The following ZNF724 variants were observed in gnomAD, a reference collection of about 807,000 sequenced individuals.
The protein encoded by ZNF724 is zinc finger protein 724.
A neutral mutation model predicts 29.3 loss-of-function variants in ZNF724; 14 were observed. The ratio of observed to expected loss-of-function variants is 0.48; its 90% confidence interval spans 0.32 to 0.75. ZNF724 has a LOEUF of 0.75. Among genes scored for constraint, ZNF724 ranks in the 30% least tolerant of loss-of-function variants. The pLI, the probability that ZNF724 is intolerant of heterozygous loss-of-function variation, is 0.04. For missense variants in ZNF724, 557 were observed against 571.2 expected (o/e 0.98, Z 0.25); for synonymous variants, 180 against 193.6 (o/e 0.93, Z 0.58).
At position 23,223,315 on chromosome 19, in the gene ZNF724, G is replaced by A; in HGVS notation, c.930C>T (p.Tyr310=). The part of the protein sequence containing the change: ...HKIIHAGEKP[Y]ICEHCGRAFN... ...AAGCTCTGCCACAATGTTCACATAT[G>A]TAGGGCTTCTCTCCAGCATGAATTA... is the stretch of plus-strand genomic sequence containing the variant. Residue 310 remains tyrosine, a synonymous_variant, in exon 4 of 4, where the codon TAC becomes TAT. Transcript: ENST00000418100. 1 of 771,428 alleles carries A rather than the reference G, an allele frequency of 1.3e-6. No homozygotes were observed. Among genetic ancestry groups the A allele is most frequent in the South Asian group, 1.4e-5 (1 of 73,330 alleles). The allele number at this position is 771,428 out of a possible 1,614,324, so 47.8% of individuals were successfully genotyped here. A position where few individuals can be genotyped will look rare whatever the true frequency, so the allele number is the denominator to read the frequency against.
At chr19:23,229,905 G>C (rs1971905671) in intron 3 of ZNF724, among the ~76,000 whole-genome samples, 2 of 152,034 alleles carry the variant, frequency 1.3e-5, no homozygotes, top group Admixed American at 1.3e-4. Flanking sequence ...AGAATAATTA[G>C]AACAACTTTT....
At chr19:23,228,251 A>G (rs1971873413) in intron 3 of ZNF724, among the ~76,000 whole-genome samples, 2 of 151,944 alleles carry the variant, frequency 1.3e-5, no homozygotes, top group Admixed American at 1.3e-4. Flanking sequence ...GGAGTTCGAG[A>G]CCAGCCTGGC....
chr19:23,222,342 G>A lies in ZNF724; in HGVS notation c.*43C>T. On this transcript the variant is annotated 3_prime_UTR_variant, in exon 4 of 4. Transcript: ENST00000418100. ...TCCACCCGCCTTGGCCTCCCAAAGT[G>A]CTGGGATTACAGGTGTGAGCCACCA... 1 of 799,976 alleles carries A rather than the reference G, an allele frequency of 1.3e-6. No homozygotes were observed. The highest frequency in any genetic ancestry group is 2.0e-6 in the Non-Finnish European group (1 of 498,306). 49.6% of individuals were successfully genotyped at this position (799,976 alleles called of 1,614,324 possible).
At chr19:23,238,357 T>TCAAAAAAA (rs1555725131) in intron 1 of ZNF724, among the ~76,000 whole-genome samples, 1 of 151,280 alleles carries the variant, frequency 6.6e-6, no homozygotes, top group Non-Finnish European at 1.5e-5. Flanking sequence ...AGACTCCACC[T>TCAAAAAAA]CAAAAAACAA....
At position 23,223,369 on chromosome 19, in the gene ZNF724, G is replaced by A. The variant is rs1490353744; in HGVS notation, c.876C>T (p.Asn292=). 5.2e-6 allele frequency: 4 copies of A among 769,860 alleles called. No homozygotes were observed. Among genetic ancestry groups the A allele is most frequent in the Non-Finnish European group, 7.3e-6 (3 of 413,262 alleles). 47.7% of individuals were successfully genotyped at this position (769,860 alleles called of 1,614,324 possible). ...YKCKECGKAF[N]QSSTLTRHKI... is the part of the protein sequence containing the mutation. ...TATGTCTAGTAAGGGTTGATGATTGGTTAAAAGCTTTGCCACATTCTTTAC... is the reference window on the plus strand; with the variant it reads ...TATGTCTAGTAAGGGTTGATGATTGATTAAAAGCTTTGCCACATTCTTTAC... The change falls in exon 4 of 4, where the codon AAC becomes AAT. Residue 292 remains asparagine, a synonymous_variant. Coordinates refer to ENST00000418100, the MANE Select transcript of ZNF724 (RefSeq NM_001355404.2).
chr19:23,222,398 T>C lies in ZNF724; in HGVS notation c.1847A>G (p.Lys616Arg). The change falls in exon 4 of 4, where the codon AAA (lysine) becomes AGA (arginine). Residue 616 changes from lysine to arginine, a missense_variant. Lys to Arg is a conservative substitution (Grantham distance 26). Transcript: ENST00000418100. ...TTHKKIHAVE[K>R]SDK ...GGTCCATTTTTCTTATTTGTCAGAT[T>C]TTTCTACAGCATGAATTTTCTTGTG... The C allele has an allele frequency of 8.6e-7, 1 of 1,163,342 alleles. No homozygotes were observed. Among genetic ancestry groups the C allele is most frequent in the Non-Finnish European group, 1.3e-6 (1 of 782,184 alleles). The allele number at this position is 1,163,342 out of a possible 1,614,324, so 72.1% of individuals were successfully genotyped here.
At position 23,222,412 on chromosome 19, in the gene ZNF724, A is replaced by G. The variant is rs1599632564; in HGVS notation, c.1833T>C (p.Ile611=). ...QCSNLTTHKK[I]HAVEKSDK ...ATTTGTCAGATTTTTCTACAGCATG[A>G]ATTTTCTTGTGTGTAGTAAGGTTTG... Residue 611 remains isoleucine (I), a synonymous_variant, in exon 4 of 4, where the codon ATT becomes ATC. Coordinates refer to ENST00000418100, the MANE Select transcript of ZNF724 (RefSeq NM_001355404.2). The G allele has an allele frequency of 8.4e-7, 1 of 1,195,630 alleles. No homozygotes were observed. The highest frequency in any genetic ancestry group is 1.5e-5 in the African/African-American group (1 of 66,832). 74.1% of individuals were successfully genotyped at this position (1,195,630 alleles called of 1,614,324 possible). A position where few individuals can be genotyped will look rare whatever the true frequency, so the allele number is the denominator to read the frequency against.
At position 23,238,659 on chromosome 19, in the gene ZNF724, A is replaced by C. The variant is rs1439301395; in HGVS notation, c.4-6366T>G. On this transcript the variant is annotated intron_variant, in intron 1 of 3. Transcript: ENST00000418100. ...ACCAGGCATGGTAGCTCATGCCTGT[A>C]ATCTCTGCACTCTACGAGGCCGAGG... is the stretch of plus-strand genomic sequence containing the variant. Among the ~76,000 whole-genome samples the C allele has an allele frequency of 2.0e-5, 3 of 152,312 alleles. No homozygotes were observed. The East Asian group carries it at 5.8e-4, about 29-fold the overall frequency.
At chr19:23,239,266 A>G (rs1007793221) in intron 1 of ZNF724, among the ~76,000 whole-genome samples, 3 of 152,242 alleles carry the variant, frequency 2.0e-5, no homozygotes, top group Admixed American at 1.3e-4. Context: ...TCAACATAGT[A>G]TACATTCTTC....
chr19:23,235,037 A>C (rs896587660), intron 1 of ZNF724, among the ~76,000 whole-genome samples: 3 of 152,224 alleles, frequency 2.0e-5, no homozygotes, highest in Non-Finnish European at 2.9e-5. Flanking sequence ...CTGGTTCTTT[A>C]AAGTTTACAG....
chr19:23,240,947 T>G (rs1375874319), intron 1 of ZNF724, among the ~76,000 whole-genome samples: 1 of 151,790 alleles, frequency 6.6e-6, no homozygotes, highest in African/African-American at 2.4e-5. Context: ...GTAGGAAAAT[T>G]GCTTAAACCC....
intron 3 of ZNF724, among the ~76,000 whole-genome samples, chr19:23,227,703 GAAGA>G (rs1258838094): frequency 6.6e-6 from 1 of 152,022 alleles, no homozygotes; most frequent in Non-Finnish European, 1.5e-5. Flanking sequence ...GATATAGTCT[GAAGA>G]AAGTGGGTGC....
intron 3 of ZNF724, 55 bp downstream of exon 3, chr19:23,231,211 T>A: frequency 8.5e-7 from 1 of 1,179,408 alleles, no homozygotes; most frequent in Non-Finnish European, 1.2e-6. Flanking sequence ...ACTGACTTTC[T>A]CCTTGACATT....
chr19:23,246,670 A>G (rs2145796730), intron 1 of ZNF724, among the ~76,000 whole-genome samples: 1 of 152,118 alleles, frequency 6.6e-6, no homozygotes, highest in African/African-American at 2.4e-5. Flanking sequence ...AAAAAAAAAA[A>G]GAATTAGCAT....
At position 23,222,866 on chromosome 19, in the gene ZNF724, T is replaced by C. The variant is rs1253426628; in HGVS notation, c.1379A>G (p.Lys460Arg). 1 of 1,411,970 alleles carries C rather than the reference T, an allele frequency of 7.1e-7. No homozygotes were observed. Among genetic ancestry groups the C allele is most frequent in the Non-Finnish European group, 1.0e-6 (1 of 997,592 alleles). 87.5% of individuals were successfully genotyped at this position (1,411,970 alleles called of 1,614,324 possible). Residue 460 changes from lysine to arginine, a missense_variant, in exon 4 of 4, where the codon AAG becomes AGG. Lys to Arg is a conservative substitution (Grantham distance 26, BLOSUM62 2). Transcript: ENST00000418100. ...ATGTTCAGTAAGGTTTGAGGACCGCTTAAAAGCTTTGCCACATTCTTTACA... is the reference window on the plus strand; with the variant it reads ...ATGTTCAGTAAGGTTTGAGGACCGCCTAAAAGCTTTGCCACATTCTTTACA... ...YKCKECGKAFKRSSNLTEHRI... is the reference protein window; with the variant it reads ...YKCKECGKAFRRSSNLTEHRI...
chr19:23,222,499 T>C lies in ZNF724; in HGVS notation c.1746A>G (p.Val582=), dbSNP rs1206598120. 1 of 1,312,378 alleles carries C rather than the reference T, an allele frequency of 7.6e-7. No individual in the cohort carries two copies. The allele number at this position is 1,312,378 out of a possible 1,614,324, so 81.3% of individuals were successfully genotyped here. Residue 582 remains valine (V), a synonymous_variant, in exon 4 of 4, where the codon GTA becomes GTG. Transcript: ENST00000418100. ...TGTAGGGTTTCTCTCCAGTATGAAT[T>C]ACCTTATGTTTAGTCAGAGTTGAGG... ...NWSSTLTKHK[V]IHTGEKPYKC...
chr19:23,244,625 CTA>C (rs1972205282), intron 1 of ZNF724, among the ~76,000 whole-genome samples: 2 of 152,096 alleles, frequency 1.3e-5, no homozygotes, highest in African/African-American at 2.4e-5. Flanking sequence ...GGCACAAAAT[CTA>C]TAGAGTTTGC....
chr19:23,228,447 T>C (rs147845814), intron 3 of ZNF724, among the ~76,000 whole-genome samples: 2,115 of 144,648 alleles, frequency 0.015, 50 homozygotes, highest in African/African-American at 0.05. Context: ...GAGATGAGAC[T>C]TCGTCTCAAA....
At chr19:23,241,139 C>T (rs1379087631) in intron 1 of ZNF724, among the ~76,000 whole-genome samples, 1 of 151,944 alleles carries the variant, frequency 6.6e-6, no homozygotes, top group Admixed American at 6.6e-5. Context: ...CCTCTGTACA[C>T]AAAAACTAGA....
Sources: allele counts gnomAD v4.1 joint callset (sites outside exome capture counted in the v4.1 genomes callset), GRCh38; gene constraint gnomAD v4.1.1; transcripts MANE v1.5; gene names NCBI Gene and HGNC (gene_info 2026-07-23, HGNC 2026-07-21).